Variants in OTOG observed in about 807,000 individuals in gnomAD.
The protein encoded by OTOG is otogelin.
In OTOG, 296 loss-of-function variants were observed where a neutral mutation model predicts 313.8. The observed-to-expected ratio is 0.94, with a 90% CI of 0.86 to 1.04. The LOEUF (loss-of-function observed/expected upper bound fraction) is 1.04, where lower values mean the gene tolerates loss of function less well. OTOG is among the 50% of genes least tolerant of loss of function. The probability of loss-of-function intolerance (pLI) is 0.00; values close to 1 mark genes in which losing one functional copy is unlikely to be tolerated. For synonymous variants in OTOG, 1,533 were observed against 1,554.9 expected, an observed-to-expected ratio of 0.99 and a Z score of 0.33; for missense variants, 3,948 against 3,840.1, an observed-to-expected ratio of 1.03 and a Z score of -0.74.
chr11:17,615,664 C>G (rs909837038), intron 39 of OTOG, among the ~76,000 whole-genome samples: 5 of 152,222 alleles, frequency 3.3e-5, no homozygotes, highest in African/African-American at 1.2e-4. Flanking sequence ...GGCACAGTGG[C>G]TCATGCCTGT....
intron 19 of OTOG, 49 bp from the exon 20 acceptor site, chr11:17,574,671 C>T: frequency 6.7e-7 from 1 of 1,489,068 alleles, no homozygotes; most frequent in Non-Finnish European, 9.1e-7. Context: ...CTCCACATAA[C>T]TGTGGGGATG....
intron 4 of OTOG, among the ~76,000 whole-genome samples, chr11:17,552,551 C>CACCTGTCCTGTGTCTCT (rs1851961821): frequency 7.4e-6 from 1 of 135,218 alleles, no homozygotes; most frequent in Admixed American, 7.1e-5. Context: ...CCTGTGTCCC[C>CACCTGTCCTGTGTCTCT]CACCTGTCCT....
chr11:17,553,961 T>C (rs967284196), intron 6 of OTOG, among the ~76,000 whole-genome samples: 18 of 152,316 alleles, frequency 1.2e-4, no homozygotes, highest in African/African-American at 4.3e-4. Flanking sequence ...TAATCCTGTT[T>C]ATTCGGAAGG....
At position 17,613,626 on chromosome 11, in the gene OTOG, G is replaced by A. The variant is rs1853652543; in HGVS notation, c.6453G>A (p.Trp2151Ter). ...CKSANLGHLNWPPFCLVMLNM... is the reference protein window; with the variant it reads ...CKSANLGHLN ...TCTCTCTGCAGGGGCACCTGAACTGGCCCCCGTTCTGTCTGGTGATGTTGA... is the reference window on the plus strand; with the variant it reads ...TCTCTCTGCAGGGGCACCTGAACTGACCCCCGTTCTGTCTGGTGATGTTGA... The change falls in exon 39 of 56, where the codon TGG becomes TGA. Residue 2151 changes from tryptophan (W) to a stop codon, truncating the protein, a stop_gained. Coordinates refer to ENST00000399397, the MANE Select transcript of OTOG (RefSeq NM_001292063.2). LOFTEE classifies it high-confidence loss of function. The A allele has an allele frequency of 1.3e-6, 2 of 1,550,674 alleles. No individual in the cohort carries two copies. Among genetic ancestry groups the A allele is most frequent in the Non-Finnish European group, 1.7e-6 (2 of 1,147,016 alleles).
At chr11:17,574,961 G>C in intron 20 of OTOG, 49 bp downstream of exon 20, 1 of 1,434,224 alleles carries the variant, frequency 7.0e-7, no homozygotes, top group Non-Finnish European at 9.2e-7. Flanking sequence ...GTGAGGCCAG[G>C]GGTCTCCAGG....
chr11:17,624,790 A>G (rs1335848666), intron 39 of OTOG, among the ~76,000 whole-genome samples: 1 of 152,160 alleles, frequency 6.6e-6, no homozygotes, highest in Non-Finnish European at 1.5e-5. Context: ...ATCAATGAGC[A>G]TGGACAGTTT....
chr11:17,561,955 C>G (rs1852195910), intron 15 of OTOG, 148 bp downstream of exon 15: 4 of 990,118 alleles, frequency 4.0e-6, no homozygotes, highest in Non-Finnish European at 5.8e-6. Flanking sequence ...GGACTCCAGC[C>G]CAAGCACCTC....
At chr11:17,549,264 T>TGCCCCA in intron 3 of OTOG, among the ~76,000 whole-genome samples, 1 of 152,288 alleles carries the variant, frequency 6.6e-6, no homozygotes, top group South Asian at 2.1e-4. Context: ...CAAGTGCCCC[T>TGCCCCA]GCCCCAGCCC....
intron 39 of OTOG, among the ~76,000 whole-genome samples, chr11:17,628,409 A>G (rs1386477333): frequency 6.6e-6 from 1 of 152,170 alleles, no homozygotes; most frequent in Non-Finnish European, 1.5e-5. Context: ...ATCTTTTTAT[A>G]TTCCATTTTT....
intron 33 of OTOG, among the ~76,000 whole-genome samples, chr11:17,606,585 G>A (rs1438127388): frequency 6.6e-6 from 1 of 152,244 alleles, no homozygotes; most frequent in East Asian, 1.9e-4. Flanking sequence ...CCCCTGGACA[G>A]GGATGGGGCA....
chr11:17,550,733 C>T (rs1653054624), intron 3 of OTOG, among the ~76,000 whole-genome samples: 2 of 152,170 alleles, frequency 1.3e-5, no homozygotes, highest in South Asian at 2.1e-4. Context: ...TCTGAGGGCC[C>T]CATGAGATAG....
At chr11:17,596,213 T>G in intron 29 of OTOG, 59 bp downstream of exon 29, 11 of 1,208,568 alleles carry the variant, frequency 9.1e-6, no homozygotes, top group Non-Finnish European at 1.3e-5. Context: ...CTGGGATCCC[T>G]TCAGCTCTCA....
chr11:17,593,901 C>A, intron 27 of OTOG, 145 bp downstream of exon 27: 1 of 1,394,960 alleles, frequency 7.2e-7, no homozygotes, highest in South Asian at 1.4e-5. Context: ...CCCTTCTCCT[C>A]TGACATTGCT....
Position 17,602,334 on chromosome 11 carries a change from G to A in OTOG, c.3834G>A (p.Val1278=), listed in dbSNP as rs527500084. ...RTEDVAPADI[V]SFLLTAALYK... The stretch of plus-strand genomic sequence containing the variant: ...AGGATGTGGCGCCAGCAGACATTGT[G>A]AGCTTCCTGCTGACAGCTGCTCTGT... The change falls in exon 32 of 56, where the codon GTG becomes GTA. Residue 1278 remains valine, a synonymous_variant. Transcript: ENST00000399397. 2.5e-5 allele frequency: 39 copies of A among 1,550,448 alleles called. No homozygotes were observed. The highest frequency in any genetic ancestry group is 3.3e-5 in the Non-Finnish European group (38 of 1,146,964).
chr11:17,635,151 CGCCT>C lies in OTOG; in HGVS notation c.7659_7662del (p.Leu2554GlyfsTer117). On this transcript the variant is annotated frameshift_variant, in exon 46 of 56. Coordinates refer to ENST00000399397, the MANE Select transcript of OTOG (RefSeq NM_001292063.2). LOFTEE classifies it high-confidence loss of function. The stretch of plus-strand genomic sequence containing the variant: ...ACAGGACCAGATCCTGATCACGGGC[CGCCT>C]GGGGGACTCCTGCTGCACCTCCTAC... 6.5e-7 allele frequency: 1 copy of C among 1,547,850 alleles called. No individual in the cohort carries two copies. Among genetic ancestry groups the C allele is most frequent in the South Asian group, 1.2e-5 (1 of 83,976 alleles).
intron 13 of OTOG, 74 bp from the exon 14 acceptor site, chr11:17,561,017 G>A: frequency 1.4e-6 from 2 of 1,469,358 alleles, no homozygotes; most frequent in Non-Finnish European, 1.9e-6. Context: ...GAGGGCTGTG[G>A]GCCCTGCAGT....
At position 17,640,638 on chromosome 11, in the gene OTOG, C is replaced by A. The variant is rs554645839; in HGVS notation, c.7936-107C>A. The stretch of plus-strand genomic sequence containing the variant: ...CCCAGGCCTGCCAGCCCCCCTCCTG[C>A]CCACCACAGGGAGGGACTGACGTAG... On this transcript the variant is annotated intron_variant, in intron 49 of 55. Coordinates refer to ENST00000399397, the MANE Select transcript of OTOG (RefSeq NM_001292063.2). 643 of 1,205,776 alleles carry A rather than the reference C, an allele frequency of 5.3e-4. 4 individuals are homozygous for A. In the African/African-American group the frequency reaches 8.6e-3, roughly 16 times the overall value. 74.7% of individuals were successfully genotyped at this position (1,205,776 alleles called of 1,614,324 possible).
Position 17,613,373 on chromosome 11 carries a change from C to CTT in OTOG, c.6439-239_6439-238insTT, listed in dbSNP as rs760034953. On this transcript the variant is annotated intron_variant, in intron 38 of 55. Coordinates refer to ENST00000399397, the MANE Select transcript of OTOG (RefSeq NM_001292063.2). Reference sequence around the variant, plus strand: ...CCTTCCTTCCTTCCTTCCTTCCTTCCCTCCTTCCTTCCTTCCTTCCTTCCT... The same window carrying CTT: ...CCTTCCTTCCTTCCTTCCTTCCTTCCTTCTCCTTCCTTCCTTCCTTCCTTCCT... Among the ~76,000 whole-genome samples the CTT allele has an allele frequency of 0.02, 2,124 of 103,736 alleles. 68 individuals carry two copies. The highest frequency in any genetic ancestry group is 0.025 in the African/African-American group (727 of 28,908). The allele number at this position is 103,736 out of a possible 152,430, so 68.1% of individuals were successfully genotyped here. A position where few individuals can be genotyped will look rare whatever the true frequency, so the allele number is the denominator to read the frequency against.
At chr11:17,561,241 C>G in intron 14 of OTOG, 104 bp downstream of exon 14, 1 of 1,339,290 alleles carries the variant, frequency 7.5e-7, no homozygotes, top group Non-Finnish European at 1.0e-6. Context: ...GGGGATGTCA[C>G]TCAGTTCCAT....
Sources: gnomAD v4.1 joint callset for allele counts (sites outside exome capture counted in the v4.1 genomes callset) on GRCh38, gnomAD v4.1.1 for gene constraint, MANE v1.5 for transcripts, NCBI Gene and HGNC (gene_info 2026-07-23, HGNC 2026-07-21) for gene names.